Variants in EFCAB5 observed in about 807,000 individuals in gnomAD.
EFCAB5 encodes the protein EF-hand calcium-binding domain-containing protein 5.
In EFCAB5, 131 loss-of-function variants were observed where a neutral mutation model predicts 167.9. The observed-to-expected ratio is 0.78, with a 90% CI of 0.68 to 0.90. EFCAB5 has a LOEUF of 0.90. EFCAB5 is among the 40% of genes least tolerant of loss of function. The probability of loss-of-function intolerance (pLI) is 0.00; values close to 1 mark genes in which losing one functional copy is unlikely to be tolerated. For missense variants in EFCAB5, 1,663 were observed against 1,745.2 expected, an observed-to-expected ratio of 0.95 and a Z score of 0.84; for synonymous variants, 574 against 602.8, an observed-to-expected ratio of 0.95 and a Z score of 0.70.
At chr17:29,992,374 GTT>G (rs2068440056) in intron 4 of EFCAB5, among the ~76,000 whole-genome samples, 1 of 152,076 alleles carries the variant, frequency 6.6e-6, no homozygotes, top group Admixed American at 6.6e-5. Flanking sequence ...TTGAGACAGA[GTT>G]TCACTCTGTC....
At chr17:29,932,748 G>A (rs1378285026) in intron 1 of EFCAB5, among the ~76,000 whole-genome samples, 4 of 151,988 alleles carry the variant, frequency 2.6e-5, no homozygotes, top group Non-Finnish European at 4.4e-5. Flanking sequence ...GTGAGCCCCC[G>A]CACCCGGCCA....
rs57885339 is a variant in EFCAB5 at position 30,094,507 on chromosome 17, CAAAAAAAAAAAA to C, written c.4321+1587_4321+1598del. Reference sequence around the variant, plus strand: ...ACAACATGGCAAAATCTTGTCTCTCCAAAAAAAAAAAAAAAAAAAAAAAAAAATAACTGGGTG... The same window carrying C: ...ACAACATGGCAAAATCTTGTCTCTCCAAAAAAAAAAAAAAATAACTGGGTG... On this transcript the variant is annotated intron_variant, in intron 22 of 22. Transcript: ENST00000394835. 5.8e-3 allele frequency among the ~76,000 whole-genome samples: 236 copies of C among 40,720 alleles called. 2 individuals are homozygous for C. The highest frequency in any genetic ancestry group is 0.014 in the African/African-American group (211 of 15,236). 26.7% of individuals were successfully genotyped at this position (40,720 alleles called of 152,430 possible).
chr17:30,002,423 A>C (rs2068681658), intron 7 of EFCAB5, among the ~76,000 whole-genome samples: 1 of 152,366 alleles, frequency 6.6e-6, no homozygotes, highest in East Asian at 1.9e-4. Context: ...CAGTACCACA[A>C]AGGTCTACTG....
chr17:29,944,491 C>T (rs1448809594), intron 3 of EFCAB5, among the ~76,000 whole-genome samples: 1 of 152,078 alleles, frequency 6.6e-6, no homozygotes, highest in African/African-American at 2.4e-5. Context: ...AGAAAGCTGA[C>T]TGACATCTAG....
intron 18 of EFCAB5, among the ~76,000 whole-genome samples, chr17:30,085,871 G>A (rs897619452): frequency 7.2e-5 from 11 of 152,202 alleles, no homozygotes; most frequent in African/African-American, 2.4e-4. Context: ...TTGATGTCAT[G>A]GAGTATAGAG....
chr17:30,060,231 A>T (rs941266831), intron 14 of EFCAB5, among the ~76,000 whole-genome samples: 13 of 137,874 alleles, frequency 9.4e-5, no homozygotes, highest in African/African-American at 2.0e-4. Context: ...AAAATAAAAA[A>T]AAATTTAAAA....
chr17:29,970,481 GA>G (rs760224785), intron 4 of EFCAB5, among the ~76,000 whole-genome samples: 111 of 151,724 alleles, frequency 7.3e-4, no homozygotes, highest in Admixed American at 1.3e-3. Context: ...AATGGGGAGG[GA>G]AAACGAAAAG....
Position 30,053,591 on chromosome 17 carries a change from C to A in EFCAB5, c.1637C>A (p.Pro546Gln), listed in dbSNP as rs748667439. The A allele has an allele frequency of 2.5e-6, 4 of 1,613,700 alleles. No homozygotes were observed. Among genetic ancestry groups the A allele is most frequent in the Non-Finnish European group, 8.5e-7 (1 of 1,179,866 alleles). Residue 546 changes from proline (P) to glutamine (Q), a missense_variant, in exon 10 of 23, where the codon CCA (proline) becomes CAA (glutamine). Coordinates refer to ENST00000394835, the MANE Select transcript of EFCAB5 (RefSeq NM_198529.4). ...QELYIESVIEPGTHTESTLEQ... is the reference protein window; with the variant it reads ...QELYIESVIEQGTHTESTLEQ... ...CTGTACATAGAATCAGTAATAGAAC[C>A]AGGAACACACACAGAGTCAACTCTA...
chr17:30,107,061 C>G (rs2071458532), intron 22 of EFCAB5, among the ~76,000 whole-genome samples: 1 of 152,202 alleles, frequency 6.6e-6, no homozygotes, highest in Admixed American at 6.5e-5. Context: ...TATAGTCTTT[C>G]CATTGGACAG....
intron 9 of EFCAB5, among the ~76,000 whole-genome samples, chr17:30,051,594 TC>T (rs2070099297): frequency 6.6e-6 from 1 of 152,220 alleles, no homozygotes; most frequent in Admixed American, 6.5e-5. Flanking sequence ...CTTACTCTTC[TC>T]ACCCAGGCTG....
At chr17:30,039,648 A>T (rs756322725) in intron 8 of EFCAB5, among the ~76,000 whole-genome samples, 9 of 152,158 alleles carry the variant, frequency 5.9e-5, no homozygotes, top group Non-Finnish European at 1.0e-4. Context: ...CCGAGGAGGG[A>T]TGTGCCGACT....
At chr17:30,061,596 G>T (rs141897932) in intron 14 of EFCAB5, among the ~76,000 whole-genome samples, 5 of 152,180 alleles carry the variant, frequency 3.3e-5, no homozygotes, top group Admixed American at 6.5e-5. Flanking sequence ...TTTTTTTAGA[G>T]ACAAGGTCTC....
chr17:29,999,414 G>A (rs545805841), intron 6 of EFCAB5, among the ~76,000 whole-genome samples: 4 of 152,224 alleles, frequency 2.6e-5, no homozygotes, highest in African/African-American at 9.6e-5. Flanking sequence ...GAGTGAGAGT[G>A]CTGATGGGAG....
intron 2 of EFCAB5, 38 bp from the exon 3 acceptor site, chr17:29,943,527 T>C (rs1156919626): frequency 2.0e-6 from 3 of 1,497,280 alleles, no homozygotes; most frequent in Non-Finnish European, 2.7e-6. Context: ...GAAAATCAAG[T>C]CACATTGAAA....
At chr17:30,099,162 C>G (rs554701657) in intron 22 of EFCAB5, among the ~76,000 whole-genome samples, 1 of 152,264 alleles carries the variant, frequency 6.6e-6, no homozygotes, top group Non-Finnish European at 1.5e-5. Context: ...TGTATACATA[C>G]CTTTGGAGTG....
chr17:29,960,843 A>G lies in EFCAB5; in HGVS notation c.191-7948A>G, dbSNP rs192137430. Among the ~76,000 whole-genome samples, 35 of 152,170 alleles carry G rather than the reference A, an allele frequency of 2.3e-4. No individual in the cohort carries two copies. The East Asian group carries it at 6.4e-3, about 28-fold the overall frequency. The stretch of plus-strand genomic sequence containing the variant: ...TAGGTTTACCTTAAAAAATTAAACT[A>G]TATTACTATTATTGATTATTATTAT... On this transcript the variant is annotated intron_variant, in intron 3 of 22. Coordinates refer to ENST00000394835, the MANE Select transcript of EFCAB5 (RefSeq NM_198529.4).
chr17:30,098,551 A>AT (rs1297261884), intron 22 of EFCAB5, among the ~76,000 whole-genome samples: 21 of 150,184 alleles, frequency 1.4e-4, no homozygotes, highest in Admixed American at 1.1e-3. Flanking sequence ...AAAAAAAAAA[A>AT]CTCCTGGGCT....
intron 14 of EFCAB5, chr17:30,069,244 G>A: frequency 6.5e-7 from 1 of 1,535,780 alleles, no homozygotes; most frequent in Middle Eastern, 1.7e-4. Context: ...ATCCAGAAAA[G>A]ATTTTGACTG....
At chr17:29,930,964 G>C (rs1173880401) in intron 1 of EFCAB5, among the ~76,000 whole-genome samples, 1 of 152,134 alleles carries the variant, frequency 6.6e-6, no homozygotes, top group East Asian at 1.9e-4. Context: ...TGCTCGTTAA[G>C]CTTTCTTCTC....
Sources: gnomAD v4.1 joint callset for allele counts (sites outside exome capture counted in the v4.1 genomes callset) on GRCh38, gnomAD v4.1.1 for gene constraint, MANE v1.5 for transcripts, NCBI Gene and HGNC (gene_info 2026-07-23, HGNC 2026-07-21) for gene names.